Variants in MTCL1 observed in about 807,000 individuals in gnomAD.
MTCL1 encodes microtubule cross-linking factor 1.
MTCL1 carries 79 observed loss-of-function variants against 141.4 expected under a neutral mutation model. The ratio of observed to expected loss-of-function variants is 0.56; its 90% confidence interval spans 0.47 to 0.67. The LOEUF (loss-of-function observed/expected upper bound fraction) is 0.67. Among genes scored for constraint, MTCL1 ranks in the 30% least tolerant of loss-of-function variants. The pLI is 0.00. For synonymous variants in MTCL1, 914 were observed against 875.8 expected (o/e 1.04, Z -0.77); for missense variants, 2,177 against 2,113.9 (o/e 1.03, Z -0.59).
chr18:8,741,572 C>T (rs928689916), intron 4 of MTCL1, among the ~76,000 whole-genome samples: 1 of 152,144 alleles, frequency 6.6e-6, no homozygotes, highest in Non-Finnish European at 1.5e-5. Flanking sequence ...AAGGATATAA[C>T]AGCTAAATGG....
At chr18:8,763,867 C>T (rs566401364) in intron 4 of MTCL1, among the ~76,000 whole-genome samples, 1 of 152,238 alleles carries the variant, frequency 6.6e-6, no homozygotes, top group African/African-American at 2.4e-5. Flanking sequence ...CCACTTACCT[C>T]CCTGAAATGA....
At chr18:8,817,695 G>T (rs12456160) in intron 12 of MTCL1, among the ~76,000 whole-genome samples, 5 of 151,984 alleles carry the variant, frequency 3.3e-5, no homozygotes, top group African/African-American at 7.3e-5. Context: ...TCCTGGAACG[G>T]TCTCAGCACT....
At chr18:8,798,314 G>C (rs773730435) in intron 10 of MTCL1, 23 bp downstream of exon 9, 12 of 1,481,686 alleles carry the variant, frequency 8.1e-6, no homozygotes, top group African/African-American at 1.5e-5. Context: ...ACCCGAGCCT[G>C]TCGCCCTGCC....
chr18:8,831,933 A>T, exon 17 of MTCL1: 1 of 1,075,804 alleles, frequency 9.3e-7, no homozygotes, highest in Non-Finnish European at 1.3e-6. Context: ...TAAAAACACA[A>T]AGCTGCTGAA....
At chr18:8,750,406 AG>A (rs1311274442) in intron 4 of MTCL1, among the ~76,000 whole-genome samples, 2 of 152,186 alleles carry the variant, frequency 1.3e-5, no homozygotes, top group Non-Finnish European at 2.9e-5. Flanking sequence ...GCCTGGAGAG[AG>A]CCCGGTCCTG....
At chr18:8,758,909 C>T (rs2096416091) in intron 4 of MTCL1, among the ~76,000 whole-genome samples, 1 of 152,162 alleles carries the variant, frequency 6.6e-6, no homozygotes, top group South Asian at 2.1e-4. Flanking sequence ...TAAAAAATTC[C>T]TCCCTTTCCC....
At chr18:8,709,122 T>C (rs2096073135) in intron 1 of MTCL1, among the ~76,000 whole-genome samples, 1 of 152,170 alleles carries the variant, frequency 6.6e-6, no homozygotes, top group Non-Finnish European at 1.5e-5. Flanking sequence ...GCCTTTGCAG[T>C]GGTGGTTAGC....
intron 5 of MTCL1, 185 bp downstream of exon 4, chr18:8,778,077 C>T (rs1286362760): frequency 2.0e-6 from 1 of 500,134 alleles, no homozygotes; most frequent in Non-Finnish European, 3.5e-6. Context: ...ACAGCTCCTC[C>T]CTCTTGTTTC....
At chr18:8,709,054 CAT>C (rs1482173691) in intron 1 of MTCL1, among the ~76,000 whole-genome samples, 3 of 152,226 alleles carry the variant, frequency 2.0e-5, no homozygotes, top group Non-Finnish European at 2.9e-5. Context: ...AGCCTGCCCA[CAT>C]GTGCAAAATT....
chr18:8,783,937 C>T (rs2096541366), exon 6 of MTCL1: 1 of 1,613,644 alleles, frequency 6.2e-7, no homozygotes, highest in South Asian at 1.1e-5. Context: ...CTGAGCTCCG[C>T]CGCCACCTGC....
chr18:8,781,443 C>T (rs640922), intron 5 of MTCL1, among the ~76,000 whole-genome samples: 5 of 152,068 alleles, frequency 3.3e-5, no homozygotes, highest in African/African-American at 1.2e-4. Flanking sequence ...CAACCAAATC[C>T]TTCATGTGAT....
At chr18:8,831,334 A>G (rs1281065482) in intron 16 of MTCL1, 26 of 1,276,450 alleles carry the variant, frequency 2.0e-5, no homozygotes, top group Non-Finnish European at 2.6e-5. Context: ...CCCCAGCCCA[A>G]TTCTAAAGGA....
chr18:8,717,710 G>C (rs1376404293), intron 1 of MTCL1: 1 of 177,040 alleles, frequency 5.6e-6, no homozygotes, highest in Admixed American at 6.5e-5. Flanking sequence ...GCGCAGCTCT[G>C]GCTGAGGGCT....
At chr18:8,763,649 T>C (rs1043772345) in intron 4 of MTCL1, among the ~76,000 whole-genome samples, 26 of 152,376 alleles carry the variant, frequency 1.7e-4, no homozygotes, top group African/African-American at 6.0e-4. Flanking sequence ...CTCAGCCTTA[T>C]TGCTCATTTG....
At chr18:8,816,464 T>G (rs1371309073) in intron 12 of MTCL1, among the ~76,000 whole-genome samples, 1 of 152,196 alleles carries the variant, frequency 6.6e-6, no homozygotes, top group Admixed American at 6.5e-5. Context: ...TATAACACAT[T>G]TTATCTCTCT....
chr18:8,800,398 T>G (rs2076079716), intron 10 of MTCL1: 1 of 152,188 alleles, frequency 6.6e-6, no homozygotes, highest in South Asian at 2.1e-4. Context: ...TTCTCACAAT[T>G]GAACTCAAGT....
At chr18:8,736,419 C>G (rs912843975) in intron 4 of MTCL1, among the ~76,000 whole-genome samples, 9 of 152,140 alleles carry the variant, frequency 5.9e-5, no homozygotes, top group Non-Finnish European at 1.0e-4. Context: ...CTTAAACATA[C>G]TCAGAATACT....
At chr18:8,824,332 C>T (rs1019179553) in intron 14 of MTCL1, among the ~76,000 whole-genome samples, 14 of 152,354 alleles carry the variant, frequency 9.2e-5, no homozygotes, top group East Asian at 5.8e-4. Flanking sequence ...CGTGGCTCAC[C>T]GTCTTCACCC....
chr18:8,783,836 A>G (rs1391073755), exon 6 of MTCL1: 10 of 1,613,090 alleles, frequency 6.2e-6, no homozygotes, highest in Non-Finnish European at 8.5e-6. Context: ...GATGGAGGAC[A>G]TGCGGGGCCA....
Sources: allele counts gnomAD v4.1 joint callset (sites outside exome capture counted in the v4.1 genomes callset), GRCh38; gene constraint gnomAD v4.1.1; transcripts MANE v1.5; gene names NCBI Gene and HGNC (gene_info 2026-07-23, HGNC 2026-07-21).